Variants in GLRA3 observed in about 807,000 individuals in gnomAD.
The protein encoded by GLRA3 is glycine receptor alpha 3.
Under a neutral mutation model 60.4 loss-of-function variants are expected in GLRA3, and 44 were observed. The observed-to-expected ratio is 0.73, with a 90% CI of 0.57 to 0.94. The LOEUF is 0.94. Ranked by LOEUF, GLRA3 falls within the 40% of genes least tolerant of loss-of-function variation. GLRA3 has a pLI of 0.00. For synonymous variants in GLRA3, 223 were observed against 192.9 expected (o/e 1.16, Z -1.29); for missense variants, 508 against 564.6 (o/e 0.90, Z 1.02).
intron 1 of GLRA3, among the ~76,000 whole-genome samples, chr4:174,800,964 C>G (rs1739787436): frequency 6.6e-6 from 1 of 152,060 alleles, no homozygotes; most frequent in African/African-American, 2.4e-5. Flanking sequence ...ATATTCAACA[C>G]TTCATTATAA....
intron 6 of GLRA3, among the ~76,000 whole-genome samples, chr4:174,680,220 A>G (rs1307724661): frequency 6.6e-6 from 1 of 152,202 alleles, no homozygotes; most frequent in African/African-American, 2.4e-5. Flanking sequence ...AATATACACC[A>G]TTGCTTGTAC....
chr4:174,806,059 G>A (rs1366546672), intron 1 of GLRA3, among the ~76,000 whole-genome samples: 1 of 152,122 alleles, frequency 6.6e-6, no homozygotes, highest in African/African-American at 2.4e-5. Flanking sequence ...GAAAGGTATA[G>A]CAAAGACTTT....
intron 4 of GLRA3, among the ~76,000 whole-genome samples, chr4:174,723,156 C>A (rs1236602237): frequency 6.6e-6 from 1 of 151,994 alleles, no homozygotes; most frequent in Non-Finnish European, 1.5e-5. Context: ...GACATAGTAG[C>A]AAGATCTCAT....
At chr4:174,699,259 C>T (rs1254433058) in intron 5 of GLRA3, among the ~76,000 whole-genome samples, 2 of 152,188 alleles carry the variant, frequency 1.3e-5, no homozygotes, top group Admixed American at 6.5e-5. Flanking sequence ...GTCTCAGCCT[C>T]CCAAAGTGCT....
At chr4:174,737,406 A>C (rs932656396) in intron 3 of GLRA3, among the ~76,000 whole-genome samples, 2 of 152,190 alleles carry the variant, frequency 1.3e-5, no homozygotes, top group Admixed American at 1.3e-4. Flanking sequence ...ATTGGCAAAA[A>C]CTTTGTTGTA....
intron 3 of GLRA3, among the ~76,000 whole-genome samples, chr4:174,758,631 A>C (rs991276439): frequency 3.3e-5 from 5 of 152,186 alleles, no homozygotes; most frequent in African/African-American, 4.8e-5. Context: ...CACAGACCTT[A>C]ATTAATAATA....
chr4:174,803,018 G>A (rs915889235), intron 1 of GLRA3, among the ~76,000 whole-genome samples: 1 of 152,012 alleles, frequency 6.6e-6, no homozygotes, highest in Non-Finnish European at 1.5e-5. Context: ...TTGGGTTATG[G>A]TGGGGTTGGG....
chr4:174,758,367 T>C (rs574010318), intron 3 of GLRA3, among the ~76,000 whole-genome samples: 42 of 152,284 alleles, frequency 2.8e-4, no homozygotes, highest in South Asian at 2.3e-3. Context: ...AGAGTGGTAC[T>C]TTACTTCTGT....
intron 5 of GLRA3, among the ~76,000 whole-genome samples, chr4:174,690,984 T>A (rs1734772178): frequency 6.6e-6 from 1 of 152,198 alleles, no homozygotes. Flanking sequence ...AACATTCGTG[T>A]GCATGTGTCT....
intron 5 of GLRA3, among the ~76,000 whole-genome samples, chr4:174,696,211 A>C (rs756220952): frequency 1.4e-4 from 21 of 151,924 alleles, no homozygotes; most frequent in Non-Finnish European, 2.9e-4. Flanking sequence ...ATGAGAAAAA[A>C]TTCTATCCAC....
chr4:174,653,669 A>G (rs1439790444), intron 9 of GLRA3, among the ~76,000 whole-genome samples: 16 of 152,040 alleles, frequency 1.1e-4, no homozygotes, highest in Admixed American at 1.0e-3. Context: ...AAAAATCTAT[A>G]TATCTATATC....
intron 2 of GLRA3, among the ~76,000 whole-genome samples, chr4:174,772,103 T>C (rs956777732): frequency 3.9e-5 from 6 of 152,210 alleles, no homozygotes; most frequent in Admixed American, 3.3e-4. Context: ...ACATCCCTGG[T>C]TGACCAGAGG....
Position 174,752,668 on chromosome 4 carries a change from G to A in GLRA3, c.267+14295C>T, listed in dbSNP as rs557457827. Among the ~76,000 whole-genome samples, 329 of 152,244 alleles carry A rather than the reference G, an allele frequency of 2.2e-3. 2 individuals carry two copies. The highest frequency in any genetic ancestry group is 6.9e-3 in the African/African-American group (287 of 41,546). On this transcript the variant is annotated intron_variant, in intron 3 of 9. Coordinates refer to ENST00000274093, the MANE Select transcript of GLRA3 (RefSeq NM_006529.4). ...AGCACTCCCAAATGTCTTCCTTACC[G>A]TAGGAGGAAATTAATACTTCATTAA...
intron 1 of GLRA3, among the ~76,000 whole-genome samples, chr4:174,815,711 A>C (rs998142847): frequency 6.6e-6 from 1 of 152,138 alleles, no homozygotes; most frequent in Admixed American, 6.6e-5. Context: ...AATTGTTGGG[A>C]TGCAGGGCAC....
rs114306099 is a variant in GLRA3 at position 174,747,072 on chromosome 4, T to C, written c.268-18374A>G. On this transcript the variant is annotated intron_variant, in intron 3 of 9. Transcript: ENST00000274093. Reference sequence around the variant, plus strand: ...CATAATTATAATCAAACTACATATATTATGGATCCTTCTATTATTGGTCAC... The same window carrying C: ...CATAATTATAATCAAACTACATATACTATGGATCCTTCTATTATTGGTCAC... Among the ~76,000 whole-genome samples the C allele has an allele frequency of 9.3e-3, 1,419 of 152,298 alleles. 21 individuals are homozygous for C. The highest frequency in any genetic ancestry group is 0.032 in the African/African-American group (1,343 of 41,562).
chr4:174,659,989 T>A (rs997453829), intron 7 of GLRA3, among the ~76,000 whole-genome samples: 8 of 132,438 alleles, frequency 6.0e-5, no homozygotes, highest in East Asian at 2.3e-4. Flanking sequence ...AAAAAAATAG[T>A]AATAAGGACT....
intron 1 of GLRA3, among the ~76,000 whole-genome samples, chr4:174,805,923 T>C (rs1315245587): frequency 6.6e-6 from 1 of 152,098 alleles, no homozygotes; most frequent in Non-Finnish European, 1.5e-5. Context: ...CAGAGAGCAA[T>C]AAAAACACCC....
At chr4:174,754,045 T>C (rs551382986) in intron 3 of GLRA3, among the ~76,000 whole-genome samples, 33 of 152,140 alleles carry the variant, frequency 2.2e-4, no homozygotes, top group Non-Finnish European at 2.8e-4. Context: ...TTTAACATTG[T>C]TTTAACAACA....
chr4:174,670,963 G>A (rs1733881756), intron 7 of GLRA3, among the ~76,000 whole-genome samples: 3 of 151,216 alleles, frequency 2.0e-5, no homozygotes, highest in Non-Finnish European at 4.4e-5. Context: ...TTGTGATAAG[G>A]GTATGAATAA....
Sources: gnomAD v4.1 joint callset for allele counts (sites outside exome capture counted in the v4.1 genomes callset) on GRCh38, gnomAD v4.1.1 for gene constraint, MANE v1.5 for transcripts, NCBI Gene and HGNC (gene_info 2026-07-23, HGNC 2026-07-21) for gene names.